Variants in DCC observed in about 807,000 individuals in gnomAD.
DCC encodes the protein netrin receptor DCC.
DCC carries 58 observed loss-of-function variants against 172.5 expected under a neutral mutation model. The observed-to-expected ratio is 0.34, with a 90% CI of 0.27 to 0.42. The LOEUF (loss-of-function observed/expected upper bound fraction) is 0.42, where lower values mean the gene tolerates loss of function less well. DCC is among the 10% of genes least tolerant of loss of function. DCC has a pLI of 1.00. For synonymous variants in DCC, 709 were observed against 644.5 expected (o/e 1.10, Z -1.52); for missense variants, 1,740 against 1,791.0 (o/e 0.97, Z 0.51).
At chr18:53,060,748 A>C (rs994699624) in intron 5 of DCC, among the ~76,000 whole-genome samples, 1 of 152,144 alleles carries the variant, frequency 6.6e-6, no homozygotes, top group African/African-American at 2.4e-5. Context: ...CCATTGAGAG[A>C]TAATAAACAG....
In DCC at chr18:53,179,079, G is replaced by T. The variant is rs755054672; in HGVS notation, c.1536G>T (p.Glu512Asp). ...CTTACAATGAATGGGGACCGGGAGA[G>T]AGTTCTCAACCCATCAAGGTGGCCA... ...VVAYNEWGPG[E>D]SSQPIKVATQ... The change falls in exon 9 of 29, where the codon GAG becomes GAT. Residue 512 changes from glutamate (E) to aspartate (D), a missense_variant. Around this residue, in one of 2 missense-constraint regions of DCC, gnomAD observed 1,732 missense variants for 1,767.4 expected, o/e 0.98. Transcript: ENST00000442544. 1 of 1,613,966 alleles carries T rather than the reference G, an allele frequency of 6.2e-7. No individual in the cohort carries two copies.
intron 2 of DCC, among the ~76,000 whole-genome samples, chr18:52,893,761 GTTAA>G (rs1195848698): frequency 1.3e-5 from 2 of 152,184 alleles, no homozygotes; most frequent in Non-Finnish European, 2.9e-5. Context: ...GTTACTATCT[GTTAA>G]TTAATTTGGG....
At chr18:52,676,575 C>T (rs1170221631) in intron 1 of DCC, among the ~76,000 whole-genome samples, 4 of 152,114 alleles carry the variant, frequency 2.6e-5, no homozygotes, top group East Asian at 3.8e-4. Flanking sequence ...ATTGAGGCCA[C>T]GACTTGGGAA....
At chr18:52,729,779 T>C (rs1251521250) in intron 1 of DCC, among the ~76,000 whole-genome samples, 1 of 152,212 alleles carries the variant, frequency 6.6e-6, no homozygotes, top group Non-Finnish European at 1.5e-5. Context: ...TGGATGTTCC[T>C]GGTTAGAATG....
At chr18:52,854,525 T>TA (rs898498960) in intron 2 of DCC, among the ~76,000 whole-genome samples, 4 of 152,182 alleles carry the variant, frequency 2.6e-5, no homozygotes, top group African/African-American at 4.8e-5. Context: ...TCCTCTTAGA[T>TA]AAAAAAATAT....
At chr18:52,834,019 T>A (rs2038661204) in intron 2 of DCC, among the ~76,000 whole-genome samples, 1 of 152,150 alleles carries the variant, frequency 6.6e-6, no homozygotes, top group African/African-American at 2.4e-5. Flanking sequence ...GGGGCCTATG[T>A]GCTTGGGTAC....
intron 15 of DCC, among the ~76,000 whole-genome samples, chr18:53,347,086 C>G (rs1351154970): frequency 6.6e-6 from 1 of 152,134 alleles, no homozygotes. Flanking sequence ...TCTCTATCTC[C>G]AGAACTCCTT....
chr18:52,874,211 G>A (rs981371823), intron 2 of DCC, among the ~76,000 whole-genome samples: 2 of 152,138 alleles, frequency 1.3e-5, no homozygotes, highest in African/African-American at 4.8e-5. Context: ...AGTAGTGTAT[G>A]TTAATAATAT....
In DCC at chr18:52,659,917, G is replaced by T. The variant is rs530199660; in HGVS notation, c.92-92137G>T. Among the ~76,000 whole-genome samples, 15 of 152,060 alleles carry T rather than the reference G, an allele frequency of 9.9e-5. 1 individual carries two copies. The South Asian group carries it at 2.9e-3, about 29-fold the overall frequency. ...ATATAGAAAATTAATTGGGTATTTT[G>T]TGGCTTATTTTTCCCATCTTATTGA... is the stretch of plus-strand genomic sequence containing the variant. On this transcript the variant is annotated intron_variant, in intron 1 of 28. Transcript: ENST00000442544.
At chr18:52,490,675 C>T (rs2030455915) in intron 1 of DCC, among the ~76,000 whole-genome samples, 2 of 152,018 alleles carry the variant, frequency 1.3e-5, no homozygotes, top group Non-Finnish European at 2.9e-5. Context: ...CCTCCTTTTT[C>T]TGTGATGTTT....
chr18:53,452,847 G>T (rs1568141444), intron 23 of DCC, among the ~76,000 whole-genome samples: 2 of 152,040 alleles, frequency 1.3e-5, no homozygotes, highest in African/African-American at 4.8e-5. Flanking sequence ...TAGAGAAAAA[G>T]AAAATGTTTC....
intron 9 of DCC, among the ~76,000 whole-genome samples, chr18:53,188,680 C>T (rs2055322707): frequency 6.6e-6 from 1 of 152,148 alleles, no homozygotes; most frequent in Admixed American, 6.5e-5. Flanking sequence ...CTCCAAACAA[C>T]AAAATGTATT....
At chr18:53,001,113 T>A (rs939063233) in intron 5 of DCC, among the ~76,000 whole-genome samples, 1 of 151,998 alleles carries the variant, frequency 6.6e-6, no homozygotes, top group Non-Finnish European at 1.5e-5. Context: ...CTAAGCAAGA[T>A]AGTTGGTAGT....
At chr18:52,879,413 T>C (rs1296772978) in intron 2 of DCC, among the ~76,000 whole-genome samples, 19 of 21,260 alleles carry the variant, frequency 8.9e-4, no homozygotes, top group African/African-American at 2.3e-3. Context: ...GTTGTTTGGC[T>C]TTTTTTTTTT....
chr18:53,211,653 G>A (rs1278437667), intron 11 of DCC, among the ~76,000 whole-genome samples: 1 of 152,140 alleles, frequency 6.6e-6, no homozygotes, highest in Non-Finnish European at 1.5e-5. Flanking sequence ...GAACCCAGGA[G>A]GTGGAGCTTG....
chr18:52,952,701 A>C (rs1256931522), intron 5 of DCC, among the ~76,000 whole-genome samples: 2 of 152,084 alleles, frequency 1.3e-5, no homozygotes, highest in African/African-American at 4.8e-5. Flanking sequence ...TTTCTCACTT[A>C]TTTAAATCCT....
intron 7 of DCC, among the ~76,000 whole-genome samples, chr18:53,091,867 A>G (rs201953482): frequency 1.7e-5 from 2 of 117,660 alleles, no homozygotes; most frequent in Admixed American, 1.7e-4. Flanking sequence ...ATCTATATAT[A>G]TATATATATC....
intron 2 of DCC, among the ~76,000 whole-genome samples, chr18:52,904,485 T>G (rs184818267): frequency 3.5e-4 from 53 of 152,340 alleles, no homozygotes; most frequent in African/African-American, 1.3e-3. Context: ...ACCCAGGTCA[T>G]TTTACCTTTG....
At chr18:52,478,047 T>C (rs532027200) in intron 1 of DCC, among the ~76,000 whole-genome samples, 77 of 152,230 alleles carry the variant, frequency 5.1e-4, no homozygotes, top group African/African-American at 1.6e-3. Flanking sequence ...TGGGCTCAAG[T>C]GATCCTCCTA....
Sources: gnomAD v4.1 joint callset for allele counts (sites outside exome capture counted in the v4.1 genomes callset) on GRCh38, gnomAD v4.1.1 for gene constraint, gnomAD v4.1.1 regional missense constraint, MANE v1.5 for transcripts, NCBI Gene and HGNC (gene_info 2026-07-23, HGNC 2026-07-21) for gene names.